The following ZNRF3 variants were observed in gnomAD, a reference collection of about 807,000 sequenced individuals.
The protein encoded by ZNRF3 is zinc and ring finger 3.
In ZNRF3, 23 loss-of-function variants were observed where a neutral mutation model predicts 72.5. That is an observed-to-expected ratio of 0.32 (90% CI 0.23 to 0.45). The LOEUF (loss-of-function observed/expected upper bound fraction) is 0.45. ZNRF3 is among the 20% of genes least tolerant of loss of function. The pLI is 1.00. For synonymous variants in ZNRF3, 610 were observed against 545.3 expected, an observed-to-expected ratio of 1.12 and a Z score of -1.65; for missense variants, 1,169 against 1,272.1, an observed-to-expected ratio of 0.92 and a Z score of 1.23.
Position 29,050,596 on chromosome 22 carries a change from T to G in ZNRF3, c.2415T>G (p.Ser805Arg). The change falls in exon 8 of 9, where the codon AGT becomes AGG. Residue 805 changes from serine to arginine, a missense_variant. Transcript: ENST00000544604. Reference protein sequence around the residue: ...SGCYTEDYSVSVQYTLTEEPP... With the variant: ...SGCYTEDYSVRVQYTLTEEPP... ...GCTACACTGAGGACTACTCGGTGAG[T>G]GTGCAGTACACGCTCACCGAGGAAC... is the stretch of plus-strand genomic sequence containing the variant. 3.1e-6 allele frequency: 5 copies of G among 1,608,484 alleles called. No homozygotes were observed. The highest frequency in any genetic ancestry group is 4.2e-6 in the Non-Finnish European group (5 of 1,177,866).
chr22:28,911,320 G>C (rs1330944816), intron 1 of ZNRF3, among the ~76,000 whole-genome samples: 2 of 152,198 alleles, frequency 1.3e-5, no homozygotes, highest in Non-Finnish European at 2.9e-5. Flanking sequence ...CCCATAGTCA[G>C]AATATAGGTG....
intron 1 of ZNRF3, among the ~76,000 whole-genome samples, chr22:28,921,391 C>T (rs1413766590): frequency 1.3e-5 from 2 of 152,180 alleles, no homozygotes; most frequent in African/African-American, 4.8e-5. Context: ...ATTTTGTGCC[C>T]AGTCTGTCTT....
chr22:29,020,550 C>T (rs1240757656), intron 2 of ZNRF3, among the ~76,000 whole-genome samples: 3 of 151,312 alleles, frequency 2.0e-5, no homozygotes, highest in African/African-American at 4.9e-5. Context: ...TGTGAGCCAC[C>T]GTGCCTGGCC....
Position 28,944,027 on chromosome 22 carries a change from G to GA in ZNRF3, c.301-43037dup, listed in dbSNP as rs1027722950. On this transcript the variant is annotated intron_variant, in intron 1 of 8. Coordinates refer to ENST00000544604, the MANE Select transcript of ZNRF3 (RefSeq NM_001206998.2). Reference sequence around the variant, plus strand: ...AGAACCCCGGATTAAGGCCAAAAAGGAAAAAAAAAAAAGCCATTTTTAAAG... The same window carrying GA: ...AGAACCCCGGATTAAGGCCAAAAAGGAAAAAAAAAAAAAGCCATTTTTAAAG... Among the ~76,000 whole-genome samples, 685 of 123,168 alleles carry GA rather than the reference G, an allele frequency of 5.6e-3. 4 individuals are homozygous for GA. The highest frequency in any genetic ancestry group is 0.014 in the African/African-American group (467 of 33,902). The allele number at this position is 123,168 out of a possible 152,430, so 80.8% of individuals were successfully genotyped here. A position where few individuals can be genotyped will look rare whatever the true frequency, so the allele number is the denominator to read the frequency against.
chr22:29,029,399 C>T (rs567443961), intron 2 of ZNRF3, among the ~76,000 whole-genome samples: 1 of 152,252 alleles, frequency 6.6e-6, no homozygotes, highest in South Asian at 2.1e-4. Flanking sequence ...ATGAGTTTAC[C>T]ACCTGATTCA....
intron 2 of ZNRF3, among the ~76,000 whole-genome samples, chr22:29,007,997 C>A (rs1378454948): frequency 6.6e-6 from 1 of 152,016 alleles, no homozygotes; most frequent in African/African-American, 2.4e-5. Context: ...CTCAGGTGAT[C>A]CACCCACCTC....
At chr22:28,948,668 G>T (rs1022641667) in intron 1 of ZNRF3, among the ~76,000 whole-genome samples, 1 of 152,178 alleles carries the variant, frequency 6.6e-6, no homozygotes, top group Non-Finnish European at 1.5e-5. Context: ...AAAGGGAGGA[G>T]TATTTTATAG....
At chr22:29,026,591 G>A (rs2123866288) in intron 2 of ZNRF3, 1 of 152,286 alleles carries the variant, frequency 6.6e-6, no homozygotes, top group East Asian at 1.9e-4. Flanking sequence ...CCTACTCAAG[G>A]CAGAGGCTCC....
chr22:28,937,201 ATATATATATATATATTTTTTTTTTT>A (rs1471476239), intron 1 of ZNRF3, among the ~76,000 whole-genome samples: 42 of 4,408 alleles, frequency 9.5e-3, no homozygotes, highest in Middle Eastern at 0.17. Flanking sequence ...ATATATATAT[ATATATATATATATATTTTTTTTTTT>A]TTTTTTTTTT....
At position 28,896,074 on chromosome 22, in the gene ZNRF3, C is replaced by T. The variant is rs1042117604; in HGVS notation, c.300+12008C>T. The stretch of plus-strand genomic sequence containing the variant: ...CAAGCGATTCTCCTGCTTCAGCCTC[C>T]CGAGTAGGTGGGATTACAGGCGTCC... On this transcript the variant is annotated intron_variant, in intron 1 of 8. Transcript: ENST00000544604. Among the ~76,000 whole-genome samples, 12 of 151,976 alleles carry T rather than the reference C, an allele frequency of 7.9e-5. 2 individuals carry two copies. Among genetic ancestry groups the T allele is most frequent in the Admixed American group, 7.2e-4 (11 of 15,258 alleles).
At chr22:29,021,524 G>C (rs138045871) in intron 2 of ZNRF3, among the ~76,000 whole-genome samples, 6,471 of 147,532 alleles carry the variant, frequency 0.044, 268 homozygotes, top group African/African-American at 0.11. Context: ...GTCTCGTTCT[G>C]TCCCCCAGGC....
At chr22:28,908,106 A>T (rs1425927698) in intron 1 of ZNRF3, among the ~76,000 whole-genome samples, 1 of 152,250 alleles carries the variant, frequency 6.6e-6, no homozygotes, top group Admixed American at 6.5e-5. Flanking sequence ...GCTTTCTTTA[A>T]ATAGCATGTT....
intron 2 of ZNRF3, among the ~76,000 whole-genome samples, chr22:29,010,730 T>C (rs1331247353): frequency 1.3e-5 from 2 of 152,180 alleles, no homozygotes. Context: ...AGTGCAATGC[T>C]ACCATCTCAA....
chr22:28,978,582 GA>G (rs2035713651), intron 1 of ZNRF3, among the ~76,000 whole-genome samples: 2 of 152,154 alleles, frequency 1.3e-5, no homozygotes, highest in African/African-American at 4.8e-5. Flanking sequence ...AACACTTGGA[GA>G]AAGGGACTTA....
At chr22:29,008,781 G>C (rs1274680217) in intron 2 of ZNRF3, among the ~76,000 whole-genome samples, 7 of 152,210 alleles carry the variant, frequency 4.6e-5, no homozygotes, top group Non-Finnish European at 1.0e-4. Flanking sequence ...GACTAAGGAA[G>C]TTGGACATCT....
chr22:28,901,635 CTTTTTTTTTT>C (rs132532), intron 1 of ZNRF3, among the ~76,000 whole-genome samples: 2 of 74,816 alleles, frequency 2.7e-5, no homozygotes, highest in African/African-American at 9.7e-5. Flanking sequence ...ATGGATGGAC[CTTTTTTTTTT>C]TTTTTTTTTT....
intron 1 of ZNRF3, among the ~76,000 whole-genome samples, chr22:28,928,995 C>T (rs2123776157): frequency 6.6e-6 from 1 of 152,302 alleles, no homozygotes; most frequent in Non-Finnish European, 1.5e-5. Context: ...TCTCTCTGTT[C>T]TTTAAAAATG....
At position 28,883,576 on chromosome 22, in the gene ZNRF3, A is replaced by T. The variant is rs1601520394; in HGVS notation, c.-191A>T. On this transcript the variant is annotated 5_prime_UTR_variant, in exon 1 of 9. Coordinates refer to ENST00000544604, the MANE Select transcript of ZNRF3 (RefSeq NM_001206998.2). The surrounding 1 kb of genome is among the most constrained non-coding windows in gnomAD (Gnocchi z 5.5). Reference sequence around the variant, plus strand: ...TCACGACGCTGCCGGGGCGGGGATAACCCCTCACGTGGAGCAGATGAAAGG... The same window carrying T: ...TCACGACGCTGCCGGGGCGGGGATATCCCCTCACGTGGAGCAGATGAAAGG... 9.0e-6 allele frequency: 4 copies of T among 443,346 alleles called. No individual in the cohort carries two copies. Among genetic ancestry groups the T allele is most frequent in the Non-Finnish European group, 1.2e-5 (4 of 334,814 alleles). The allele number at this position is 443,346 out of a possible 1,614,324, so 27.5% of individuals were successfully genotyped here.
rs375106696 is a variant in ZNRF3 at position 29,050,261 on chromosome 22, G to T, written c.2080G>T (p.Ala694Ser). Residue 694 changes from alanine (A) to serine (S), a missense_variant, in exon 8 of 9, where the codon GCC becomes TCC. Physicochemically the swap from Ala to Ser is moderately conservative, Grantham distance 99. Coordinates refer to ENST00000544604, the MANE Select transcript of ZNRF3 (RefSeq NM_001206998.2). ...GGGGCTCGAGGCTTCTCCTGGGGCC[G>T]CCCCTGACCTCAGGAGGACCTGGAA... ...EVGLEASPGA[A>S]PDLRRTWKGG... 20 of 1,598,086 alleles carry T rather than the reference G, an allele frequency of 1.3e-5. No individual in the cohort carries two copies. The Admixed American group carries it at 2.0e-4, about 16-fold the overall frequency.
Sources: allele counts gnomAD v4.1 joint callset (sites outside exome capture counted in the v4.1 genomes callset), GRCh38; gene constraint gnomAD v4.1.1; non-coding constraint Gnocchi (gnomAD v3.1); transcripts MANE v1.5; gene names NCBI Gene and HGNC (gene_info 2026-07-23, HGNC 2026-07-21).